DIAPH2: variants seen among roughly 807,000 people sequenced by gnomAD.
DIAPH2 encodes the protein diaphanous related formin 2.
Under a neutral mutation model 92.7 loss-of-function variants are expected in DIAPH2, and 35 were observed. The observed-to-expected ratio is 0.38, with a 90% CI of 0.29 to 0.50. DIAPH2 has a LOEUF of 0.50. Ranked by LOEUF, DIAPH2 falls within the 20% of genes least tolerant of loss-of-function variation. The pLI is 0.94. For synonymous variants in DIAPH2, 301 were observed against 280.4 expected (o/e 1.07, Z -0.73); for missense variants, 701 against 819.5 (o/e 0.86, Z 1.77).
chrX:97,333,765 A>G (rs1369222165), intron 23 of DIAPH2, among the ~76,000 whole-genome samples: 1 of 110,135 alleles, frequency 9.1e-6, no homozygotes, highest in African/African-American at 3.3e-5. Context: ...GGGTTTCACC[A>G]TGTTGGCCGG....
At chrX:97,115,228 C>A (rs956766104) in intron 21 of DIAPH2, among the ~76,000 whole-genome samples, 14 of 111,526 alleles carry the variant, frequency 1.3e-4, no homozygotes, top group African/African-American at 4.2e-4. Flanking sequence ...AAAAAAATCC[C>A]ACTTTTATAA....
At chrX:96,727,903 G>A (rs1426456062) in intron 1 of DIAPH2, among the ~76,000 whole-genome samples, 1 of 108,662 alleles carries the variant, frequency 9.2e-6, no homozygotes, top group African/African-American at 3.4e-5. Context: ...AAAATTAGCC[G>A]GGCATGATGG....
chrX:96,901,270 G>T (rs1183725636), intron 5 of DIAPH2, among the ~76,000 whole-genome samples: 9 of 109,857 alleles, frequency 8.2e-5, no homozygotes, highest in Non-Finnish European at 1.5e-4. Flanking sequence ...TAGTAGTCTT[G>T]AATGATCTTT....
intron 17 of DIAPH2, among the ~76,000 whole-genome samples, chrX:97,056,733 G>C (rs771388433): frequency 4.5e-5 from 5 of 111,770 alleles, no homozygotes; most frequent in African/African-American, 1.6e-4. Context: ...TGTAGAGGGG[G>C]CCATTAACTA....
chrX:96,720,460 G>A (rs1039708657), intron 1 of DIAPH2, among the ~76,000 whole-genome samples: 2 of 111,976 alleles, frequency 1.8e-5, no homozygotes, highest in Non-Finnish European at 3.8e-5. Flanking sequence ...GTTTTGCCTT[G>A]TCACATGATG....
At chrX:97,532,286 A>G (rs2071065490) in intron 26 of DIAPH2, among the ~76,000 whole-genome samples, 1 of 113,313 alleles carries the variant, frequency 8.8e-6, no homozygotes, top group African/African-American at 3.2e-5. Flanking sequence ...TACTGGTGTC[A>G]CAGATTTTAC....
chrX:96,843,615 C>G (rs1483230722), intron 4 of DIAPH2, among the ~76,000 whole-genome samples: 1 of 110,763 alleles, frequency 9.0e-6, no homozygotes, highest in East Asian at 2.8e-4. Flanking sequence ...AAGGGCAAGA[C>G]AAATGGAATT....
intron 5 of DIAPH2, among the ~76,000 whole-genome samples, chrX:96,889,776 G>A (rs2065294782): frequency 9.0e-6 from 1 of 111,722 alleles, no homozygotes; most frequent in Admixed American, 9.5e-5. Flanking sequence ...CATTTGCACA[G>A]AGGTCTAAAG....
chrX:96,861,687 G>C (rs1418434135), intron 4 of DIAPH2, among the ~76,000 whole-genome samples: 1 of 111,414 alleles, frequency 9.0e-6, no homozygotes, highest in Non-Finnish European at 1.9e-5. Context: ...CCCTTAATGG[G>C]GCTTTCAAGG....
At chrX:96,720,789 C>T (rs1177223380) in intron 1 of DIAPH2, among the ~76,000 whole-genome samples, 4 of 111,656 alleles carry the variant, frequency 3.6e-5, no homozygotes, top group Non-Finnish European at 7.5e-5. Context: ...ACAAACCACT[C>T]GGTTATAAAT....
intron 4 of DIAPH2, among the ~76,000 whole-genome samples, chrX:96,836,632 T>C (rs985972936): frequency 2.5e-4 from 24 of 97,329 alleles, no homozygotes; most frequent in African/African-American, 9.3e-4. Context: ...GGCTCTATTT[T>C]TCTCAGTTTC....
chrX:97,462,041 T>C (rs2070463708), intron 26 of DIAPH2, among the ~76,000 whole-genome samples: 1 of 111,377 alleles, frequency 9.0e-6, no homozygotes, highest in Admixed American at 9.6e-5. Context: ...ATGTGCGTAA[T>C]GAAAATATTG....
At chrX:96,813,452 ACT>A (rs1189780528) in intron 4 of DIAPH2, among the ~76,000 whole-genome samples, 1 of 110,646 alleles carries the variant, frequency 9.0e-6, no homozygotes, top group Admixed American at 9.6e-5. Context: ...AATACAGCAC[ACT>A]GATGGGTCTT....
At chrX:97,047,542 C>CTTTT (rs5903064) in intron 17 of DIAPH2, among the ~76,000 whole-genome samples, 6 of 30,108 alleles carry the variant, frequency 2.0e-4, no homozygotes, top group Non-Finnish European at 2.7e-4. Flanking sequence ...ATAAAATAGG[C>CTTTT]TTTTTTTTTT....
At chrX:97,018,924 C>G (rs2066278481) in intron 17 of DIAPH2, among the ~76,000 whole-genome samples, 1 of 111,661 alleles carries the variant, frequency 9.0e-6, no homozygotes, top group South Asian at 3.8e-4. Flanking sequence ...ATTCCTCCCT[C>G]CAAACCCCTG....
At chrX:97,101,572 C>A (rs1308370658) in intron 20 of DIAPH2, among the ~76,000 whole-genome samples, 2 of 111,410 alleles carry the variant, frequency 1.8e-5, no homozygotes, top group Non-Finnish European at 3.8e-5. Context: ...TGTAAATTAC[C>A]TAAGATAGTA....
In DIAPH2 at chrX:97,132,489, G is replaced by T. The variant is rs1202997439; in HGVS notation, c.2590-9176G>T. On this transcript the variant is annotated intron_variant, in intron 21 of 26. Transcript: ENST00000324765. ...ATACATTATCTTTTTCAATGTTACT[G>T]CAGTGTGTGGTGGTATTAAAGAAAG... Among the ~76,000 whole-genome samples the T allele has an allele frequency of 1.2e-4, 13 of 111,930 alleles. No individual in the cohort carries two copies. The Admixed American group carries it at 1.2e-3, about 11-fold the overall frequency.
chrX:97,031,656 A>G (rs1203330395), intron 17 of DIAPH2, among the ~76,000 whole-genome samples: 1 of 111,547 alleles, frequency 9.0e-6, no homozygotes, highest in Admixed American at 9.5e-5. Context: ...GTACATAAAT[A>G]AGACTCTGTG....
intron 1 of DIAPH2, among the ~76,000 whole-genome samples, chrX:96,730,474 T>C (rs12396487): frequency 0.33 from 36,438 of 110,248 alleles, 5,509 homozygotes; most frequent in South Asian, 0.5. Flanking sequence ...AGGCAGGCCT[T>C]TGAATAGTAA....
Sources: gnomAD v4.1 joint callset for allele counts (sites outside exome capture counted in the v4.1 genomes callset) on GRCh38, gnomAD v4.1.1 for gene constraint, MANE v1.5 for transcripts, NCBI Gene and HGNC (gene_info 2026-07-23, HGNC 2026-07-21) for gene names.